L3MBTL4: variants seen among roughly 807,000 people sequenced by gnomAD.
The protein encoded by L3MBTL4 is lethal(3)malignant brain tumor-like protein 4.
A neutral mutation model predicts 84.5 loss-of-function variants in L3MBTL4; 70 were observed. The ratio of observed to expected loss-of-function variants is 0.83; its 90% CI spans 0.68 to 1.01. The LOEUF (loss-of-function observed/expected upper bound fraction) is 1.01, where lower values mean the gene tolerates loss of function less well. Among genes scored for constraint, L3MBTL4 ranks in the 50% least tolerant of loss-of-function variants. The pLI, the probability that L3MBTL4 is intolerant of heterozygous loss-of-function variation, is 0.00. For missense variants in L3MBTL4, 715 were observed against 754.8 expected (o/e 0.95, Z 0.62); for synonymous variants, 274 against 259.8 (o/e 1.05, Z -0.52).
intron 16 of L3MBTL4, among the ~76,000 whole-genome samples, chr18:5,980,492 C>A (rs926079322): frequency 1.5e-5 from 2 of 136,618 alleles, no homozygotes; most frequent in Non-Finnish European, 3.0e-5. Flanking sequence ...ATTGCAATGG[C>A]ATGATCTCAG....
At chr18:6,219,185 T>C (rs2046445606) in intron 10 of L3MBTL4, among the ~76,000 whole-genome samples, 1 of 152,002 alleles carries the variant, frequency 6.6e-6, no homozygotes, top group South Asian at 2.1e-4. Context: ...AAATGGTATC[T>C]GAACAATGAC....
intron 16 of L3MBTL4, among the ~76,000 whole-genome samples, chr18:6,033,921 T>TATGGAGTTACA (rs911964177): frequency 1.3e-5 from 2 of 152,196 alleles, no homozygotes; most frequent in African/African-American, 2.4e-5. Flanking sequence ...TGTGAAAAAA[T>TATGGAGTTACA]ATGGAGTTAC....
chr18:6,128,345 A>G (rs773618378), intron 14 of L3MBTL4, among the ~76,000 whole-genome samples: 1 of 152,192 alleles, frequency 6.6e-6, no homozygotes, highest in Non-Finnish European at 1.5e-5. Flanking sequence ...TGACAAATAA[A>G]ATGAGAACAC....
chr18:6,120,339 G>A (rs2059486931), intron 14 of L3MBTL4, among the ~76,000 whole-genome samples: 1 of 152,146 alleles, frequency 6.6e-6, no homozygotes, highest in South Asian at 2.1e-4. Context: ...TATGGAGAGG[G>A]AAGGAAGACA....
intron 10 of L3MBTL4, among the ~76,000 whole-genome samples, chr18:6,220,150 G>A (rs1367761059): frequency 6.6e-6 from 1 of 152,150 alleles, no homozygotes; most frequent in Admixed American, 6.5e-5. Flanking sequence ...CCTTCTGGAG[G>A]ATGCAAATAT....
At chr18:6,218,072 T>C (rs1002324311) in intron 10 of L3MBTL4, among the ~76,000 whole-genome samples, 4 of 152,210 alleles carry the variant, frequency 2.6e-5, no homozygotes, top group African/African-American at 9.6e-5. Context: ...TTATACTATA[T>C]ATTTTATGTT....
At position 6,271,102 on chromosome 18, in the gene L3MBTL4, G is replaced by A. The variant is rs534391479; in HGVS notation, c.128-7064C>T. ...AAGGGTACAAAGTCTCTGTTAGACC[G>A]CAGCAGTGGTTTGGGGTTGGTTTTG... On this transcript the variant is annotated intron_variant, in intron 4 of 18. Coordinates refer to ENST00000317931, the MANE Select transcript of L3MBTL4 (RefSeq NM_001330559.2). 9.9e-5 allele frequency among the ~76,000 whole-genome samples: 15 copies of A among 152,272 alleles called. No homozygotes were observed. In the East Asian group the frequency reaches 2.5e-3, roughly 25 times the overall value.
intron 4 of L3MBTL4, among the ~76,000 whole-genome samples, chr18:6,288,952 C>T (rs1344066447): frequency 6.6e-6 from 1 of 151,594 alleles, no homozygotes; most frequent in African/African-American, 2.4e-5. Context: ...AAATATAAGT[C>T]CCTTCTTGCG....
intron 14 of L3MBTL4, among the ~76,000 whole-genome samples, chr18:6,119,682 G>A (rs1193688797): frequency 6.6e-6 from 1 of 152,126 alleles, no homozygotes; most frequent in Non-Finnish European, 1.5e-5. Context: ...GAAGACCATG[G>A]CTCTCTCATG....
intron 5 of L3MBTL4, among the ~76,000 whole-genome samples, chr18:6,257,934 C>T (rs753618804): frequency 2.6e-5 from 4 of 152,188 alleles, no homozygotes; most frequent in Non-Finnish European, 5.9e-5. Flanking sequence ...GCATGAGCCA[C>T]ATCGCCGGGC....
intron 16 of L3MBTL4, among the ~76,000 whole-genome samples, chr18:5,999,805 G>T (rs2054135754): frequency 6.6e-6 from 1 of 152,226 alleles, no homozygotes; most frequent in African/African-American, 2.4e-5. Flanking sequence ...CTGCCAGAAT[G>T]CAAAGGCACA....
At chr18:6,182,488 C>T (rs1157572529) in intron 12 of L3MBTL4, among the ~76,000 whole-genome samples, 2 of 152,160 alleles carry the variant, frequency 1.3e-5, no homozygotes, top group Non-Finnish European at 2.9e-5. Flanking sequence ...ATTCTGTAGG[C>T]TGTCCATTTA....
At chr18:6,039,477 C>T (rs1203050825) in intron 16 of L3MBTL4, among the ~76,000 whole-genome samples, 7 of 152,110 alleles carry the variant, frequency 4.6e-5, no homozygotes, top group Admixed American at 3.3e-4. Flanking sequence ...TTTTGAGTTT[C>T]CCCCAATTTA....
intron 13 of L3MBTL4, among the ~76,000 whole-genome samples, chr18:6,142,791 A>G (rs1052924448): frequency 1.3e-5 from 2 of 152,142 alleles, no homozygotes; most frequent in African/African-American, 4.8e-5. Flanking sequence ...GCATGGTGGC[A>G]TGTACCGATA....
Position 6,071,740 on chromosome 18 carries a change from G to GAAAAAAA in L3MBTL4, c.1444+9140_1444+9141insTTTTTTT, listed in dbSNP as rs2057627501. The stretch of plus-strand genomic sequence containing the variant: ...AGGAAAGAAAGAAGGAAAGAAAGAA[G>GAAAAAAA]GAAGGAAAGAAAGAAAGAAAAAAAG... On this transcript the variant is annotated intron_variant, in intron 16 of 18. Transcript: ENST00000317931. Among the ~76,000 whole-genome samples, 5 of 40,670 alleles carry GAAAAAAA rather than the reference G, an allele frequency of 1.2e-4. No homozygotes were observed. The East Asian group carries it at 5.6e-3, about 46-fold the overall frequency. The allele number at this position is 40,670 out of a possible 152,430, so 26.7% of individuals were successfully genotyped here.
chr18:5,996,815 T>G (rs902845342), intron 16 of L3MBTL4, among the ~76,000 whole-genome samples: 8 of 152,166 alleles, frequency 5.3e-5, no homozygotes, highest in African/African-American at 1.9e-4. Context: ...GGGCAGGACT[T>G]AAGCCCTATT....
intron 1 of L3MBTL4, among the ~76,000 whole-genome samples, chr18:6,392,934 G>C (rs544907373): frequency 6.6e-6 from 1 of 152,052 alleles, no homozygotes; most frequent in Non-Finnish European, 1.5e-5. Flanking sequence ...GGGGAGAGTA[G>C]GAAGGAAATG....
intron 14 of L3MBTL4, among the ~76,000 whole-genome samples, chr18:6,119,253 T>C (rs1226582038): frequency 6.6e-6 from 1 of 152,126 alleles, no homozygotes; most frequent in Non-Finnish European, 1.5e-5. Context: ...TTAGCACTTA[T>C]CTCTGTGAAC....
intron 4 of L3MBTL4, among the ~76,000 whole-genome samples, chr18:6,270,948 A>T (rs2048840203): frequency 1.3e-5 from 2 of 152,218 alleles, no homozygotes; most frequent in South Asian, 4.1e-4. Flanking sequence ...GGCAGTGGAG[A>T]CTGAGAATGG....
Sources: allele counts gnomAD v4.1 joint callset (sites outside exome capture counted in the v4.1 genomes callset), GRCh38; gene constraint gnomAD v4.1.1; transcripts MANE v1.5; gene names NCBI Gene and HGNC (gene_info 2026-07-23, HGNC 2026-07-21).